USP39: variants seen among roughly 807,000 people sequenced by gnomAD.
USP39 encodes the protein ubiquitin specific peptidase 39.
USP39 carries 38 observed loss-of-function variants against 66.4 expected under a neutral mutation model. That is an observed-to-expected ratio of 0.57 (90% CI 0.44 to 0.75). The LOEUF is 0.75. USP39 is among the 30% of genes least tolerant of loss of function. The pLI is 0.00. For synonymous variants in USP39, 303 were observed against 274.6 expected (o/e 1.10, Z -1.02); for missense variants, 608 against 714.4 (o/e 0.85, Z 1.70).
At chr2:85,634,095 C>T (rs1342481311) in intron 6 of USP39, among the ~76,000 whole-genome samples, 1 of 151,090 alleles carries the variant, frequency 6.6e-6, no homozygotes, top group Non-Finnish European at 1.5e-5. Context: ...CCTCGGCCTC[C>T]CAAAGTGCTG....
At chr2:85,635,500 C>T (rs756248843) in intron 6 of USP39, among the ~76,000 whole-genome samples, 2 of 152,072 alleles carry the variant, frequency 1.3e-5, no homozygotes, top group Non-Finnish European at 2.9e-5. Flanking sequence ...GCGGAGGTTG[C>T]AGTGAGCTGA....
At chr2:85,615,983 CTG>C, upstream of USP39, 1 of 884,968 alleles carries the variant, frequency 1.1e-6, no homozygotes, top group East Asian at 1.2e-4. Flanking sequence ...TCTCAGTAAA[CTG>C]TAAACGACAG....
At chr2:85,611,444 C>T, upstream of USP39, 1 of 1,525,602 alleles carries the variant, frequency 6.6e-7, no homozygotes, top group Non-Finnish European at 8.8e-7. Context: ...TTCTTGCTGG[C>T]TCCCCGATAC....
chr2:85,609,206 G>A, upstream of USP39: 2 of 1,315,650 alleles, frequency 1.5e-6, no homozygotes, highest in Non-Finnish European at 2.1e-6. Context: ...TGTGTCTCCT[G>A]TAATAGTGAT....
At position 85,619,078 on chromosome 2, in the gene USP39, T is replaced by G. The variant is rs894041959; in HGVS notation, c.269-142T>G. 1.6e-5 allele frequency: 15 copies of G among 949,412 alleles called. No individual in the cohort carries two copies. In the African/African-American group the frequency reaches 2.0e-4, roughly 13 times the overall value. 58.8% of individuals were successfully genotyped at this position (949,412 alleles called of 1,614,324 possible). On this transcript the variant is annotated intron_variant, in intron 1 of 12. Transcript: ENST00000323701. ...GAGCTACCGCGCCCGGCTAGTGGAC[T>G]TTTTTTTCGATATTGTTGCCACCCA...
intron 10 of USP39, among the ~76,000 whole-genome samples, chr2:85,642,368 T>C (rs533982914): frequency 1.0e-3 from 158 of 152,336 alleles, no homozygotes; most frequent in African/African-American, 3.6e-3. Context: ...CAAAGTTTTA[T>C]TTCAGCACTA....
intron 7 of USP39, among the ~76,000 whole-genome samples, chr2:85,636,362 G>A (rs372281972): frequency 1.2e-4 from 19 of 152,226 alleles, no homozygotes; most frequent in African/African-American, 4.6e-4. Flanking sequence ...CAGCGACTTG[G>A]GAGGCTGAGG....
At chr2:85,606,029 T>C (rs576329163) in intron 1 of USP39, among the ~76,000 whole-genome samples, 1 of 152,348 alleles carries the variant, frequency 6.6e-6, no homozygotes, top group Admixed American at 6.5e-5. Flanking sequence ...CCCAAACCCT[T>C]GGAAACTCAG....
At position 85,648,757 on chromosome 2, in the gene USP39, A is replaced by T; in HGVS notation, c.1651-4A>T. ...ACTTCAGTTTGTGTTTTCATTTCTT[A>T]CAGATTTGGAAGAGGCGAGATAATG... On this transcript the variant is annotated splice_polypyrimidine_tract_variant and splice_region_variant and intron_variant, in intron 12 of 12. Coordinates refer to ENST00000323701, the MANE Select transcript of USP39 (RefSeq NM_006590.4). 1.2e-6 allele frequency: 2 copies of T among 1,614,010 alleles called. No homozygotes were observed. Among genetic ancestry groups the T allele is most frequent in the Non-Finnish European group, 1.7e-6 (2 of 1,179,938 alleles).
At chr2:85,608,854 A>G, upstream of USP39, 1 of 1,553,026 alleles carries the variant, frequency 6.4e-7, no homozygotes, top group Non-Finnish European at 8.8e-7. Context: ...AAGATCAGAC[A>G]AACTGGTCCT....
chr2:85,615,975 TCA>T (rs1426724063), upstream of USP39: 13 of 854,564 alleles, frequency 1.5e-5, no homozygotes, highest in African/African-American at 2.4e-4. Flanking sequence ...GGTTCCCGTC[TCA>T]GTAAACTGTA....
chr2:85,643,430 C>T (rs1227841832), intron 10 of USP39, among the ~76,000 whole-genome samples: 1 of 151,344 alleles, frequency 6.6e-6, no homozygotes. Context: ...GCAGAGCTTG[C>T]AGTGAATTGA....
At chr2:85,630,993 G>A (rs752309606) in intron 6 of USP39, 47 bp downstream of exon 6, 1 of 1,571,930 alleles carries the variant, frequency 6.4e-7, no homozygotes, top group South Asian at 1.2e-5. Context: ...CTAGTTTGAT[G>A]AACAAATTTA....
chr2:85,645,472 C>G (rs7349434), intron 11 of USP39, among the ~76,000 whole-genome samples: 1 of 152,010 alleles, frequency 6.6e-6, no homozygotes, highest in Admixed American at 6.6e-5. Flanking sequence ...TTAGTAGAGA[C>G]GGGGTTTTAC....
At chr2:85,629,269 C>G (rs1675124978) in intron 5 of USP39, among the ~76,000 whole-genome samples, 1 of 151,942 alleles carries the variant, frequency 6.6e-6, no homozygotes, top group South Asian at 2.1e-4. Flanking sequence ...CCATGTTGGC[C>G]TGGCAGGTCT....
At chr2:85,609,423 CACCAGGCGT>C (rs1424858779), upstream of USP39, 1 of 1,612,822 alleles carries the variant, frequency 6.2e-7, no homozygotes, top group Non-Finnish European at 8.5e-7. Context: ...CAGCTGTTTC[CACCAGGCGT>C]ACCTGATAGA....
upstream of USP39, chr2:85,612,258 C>G: frequency 7.0e-7 from 1 of 1,437,660 alleles, no homozygotes; most frequent in Non-Finnish European, 9.4e-7. Flanking sequence ...CAATAGGAAA[C>G]AAGGACTTCG....
upstream of USP39, chr2:85,611,620 T>C (rs2104166715): frequency 6.4e-7 from 1 of 1,560,204 alleles, no homozygotes; most frequent in South Asian, 1.2e-5. Flanking sequence ...GGGAGTGCGT[T>C]GCAGGAAGAG....
intron 12 of USP39, among the ~76,000 whole-genome samples, chr2:85,648,223 G>A (rs1396585048): frequency 6.6e-6 from 1 of 152,184 alleles, no homozygotes; most frequent in Admixed American, 6.5e-5. Context: ...ATAAGGAAGT[G>A]TAGAAAATGT....
Sources: gnomAD v4.1 joint callset for allele counts (sites outside exome capture counted in the v4.1 genomes callset) on GRCh38, gnomAD v4.1.1 for gene constraint, MANE v1.5 for transcripts, NCBI Gene and HGNC (gene_info 2026-07-23, HGNC 2026-07-21) for gene names.